The following STAU1 variants were observed in gnomAD, a reference collection of about 807,000 sequenced individuals.
STAU1 encodes double-stranded RNA-binding protein Staufen homolog 1.
STAU1 carries 13 observed loss-of-function variants against 62.9 expected under a neutral mutation model. The ratio of observed to expected loss-of-function variants is 0.21; its 90% CI spans 0.13 to 0.33. STAU1 has a LOEUF of 0.33. Ranked by LOEUF, STAU1 falls within the 10% of genes least tolerant of loss-of-function variation. STAU1 has a pLI of 1.00. For synonymous variants in STAU1, 269 were observed against 265.1 expected, an observed-to-expected ratio of 1.01 and a Z score of -0.14; for missense variants, 571 against 712.1, an observed-to-expected ratio of 0.80 and a Z score of 2.25.
At chr20:49,198,128 A>G in the STAU1 span, among the ~76,000 whole-genome samples, 26 of 152,256 alleles carry the variant, frequency 1.7e-4, no homozygotes, top group Non-Finnish European at 3.7e-4. Flanking sequence ...GCAAATGAGC[A>G]TATAAAAAGA....
intron 1 of STAU1, among the ~76,000 whole-genome samples, chr20:49,186,182 C>T (rs924643437): frequency 6.6e-6 from 1 of 151,982 alleles, no homozygotes; most frequent in African/African-American, 2.4e-5. Context: ...CCCGTCTCTA[C>T]GAAAACTACA....
rs1395407485 is a variant in STAU1, at chr20:49,123,075, C to T, written c.966+17G>A. 2 of 1,563,940 alleles carry T rather than the reference C, an allele frequency of 1.3e-6. No homozygotes were observed. The highest frequency in any genetic ancestry group is 1.2e-5 in the South Asian group (1 of 82,566). ...CGTGGTCAGAGGAAGGGGCGCCCAT[C>T]ATCCATGCGGACCCACCTGCATCAC... On this transcript the variant is annotated intron_variant, in intron 8 of 13. Transcript: ENST00000371856.
rs146314898 is a variant in STAU1, at chr20:49,143,186, T to A, written c.511-7255A>T. Among the ~76,000 whole-genome samples the A allele has an allele frequency of 1.2e-4, 18 of 152,298 alleles. No homozygotes were observed. The East Asian group carries it at 3.3e-3, about 28-fold the overall frequency. ...GTTCAAAACTAATCTACAAAAACCATTCCCAGTAAAATGAGGAAGGTTTAG... is the reference window on the plus strand; with the variant it reads ...GTTCAAAACTAATCTACAAAAACCAATCCCAGTAAAATGAGGAAGGTTTAG... On this transcript the variant is annotated intron_variant, in intron 5 of 13. Transcript: ENST00000371856.
chr20:49,197,842 A>G, the STAU1 span, among the ~76,000 whole-genome samples: 1 of 152,086 alleles, frequency 6.6e-6, no homozygotes, highest in South Asian at 2.1e-4. Context: ...AGTAGCTGGG[A>G]ATACAGGTGC....
chr20:49,208,874 G>A, the STAU1 span, among the ~76,000 whole-genome samples: 11 of 151,502 alleles, frequency 7.3e-5, no homozygotes, highest in African/African-American at 2.4e-4. Context: ...CGCCTGCCTC[G>A]GCCTCCCAAA....
Position 49,165,988 on chromosome 20 carries a change from T to C in STAU1, c.205+9A>G, listed in dbSNP as rs1395683896. 7.4e-6 allele frequency: 12 copies of C among 1,613,780 alleles called. No individual in the cohort carries two copies. The South Asian group carries it at 1.1e-4, about 15-fold the overall frequency. On this transcript the variant is annotated intron_variant, in intron 3 of 13. Coordinates refer to ENST00000371856, the MANE Select transcript of STAU1 (RefSeq NM_017453.4). ...TTGAAATAGAAGACACTTGGATTCA[T>C]ATGCTTACCTGCAGCTGCACTGGTG... is the stretch of plus-strand genomic sequence containing the variant.
At chr20:49,212,804 G>C in the STAU1 span, among the ~76,000 whole-genome samples, 2 of 151,230 alleles carry the variant, frequency 1.3e-5, no homozygotes, top group Non-Finnish European at 2.9e-5. Context: ...CTCCATGTTG[G>C]TCAGGCTGGT....
intron 5 of STAU1, among the ~76,000 whole-genome samples, chr20:49,139,792 T>C (rs2092967581): frequency 6.6e-6 from 1 of 151,420 alleles, no homozygotes; most frequent in African/African-American, 2.4e-5. Flanking sequence ...TCAAAAGAAA[T>C]GGAAATAACA....
intron 5 of STAU1, among the ~76,000 whole-genome samples, chr20:49,149,521 G>A (rs976597806): frequency 6.6e-6 from 1 of 152,164 alleles, no homozygotes; most frequent in Non-Finnish European, 1.5e-5. Flanking sequence ...TGGCTGGAAG[G>A]ACTAGAAATA....
intron 1 of STAU1, among the ~76,000 whole-genome samples, chr20:49,176,007 G>A (rs1459108998): frequency 6.6e-6 from 1 of 150,870 alleles, no homozygotes; most frequent in Non-Finnish European, 1.5e-5. Context: ...TGTTAGCCAG[G>A]ATGGTCTCGA....
At chr20:49,177,366 T>G (rs904087952) in intron 1 of STAU1, among the ~76,000 whole-genome samples, 1 of 152,032 alleles carries the variant, frequency 6.6e-6, no homozygotes, top group Non-Finnish European at 1.5e-5. Context: ...CAAGACCCTG[T>G]CTCTATTAAA....
the STAU1 span, among the ~76,000 whole-genome samples, chr20:49,206,234 T>A: frequency 6.6e-6 from 1 of 150,732 alleles, no homozygotes; most frequent in Non-Finnish European, 1.5e-5. Flanking sequence ...CCTCAAGTGA[T>A]CCACCCGCCT....
chr20:49,188,169 G>A lies in STAU1; in HGVS notation c.-213C>T, dbSNP rs1194173782. ...GCCGGCGGTCCTGGGCGGTGGCGGC[G>A]AGGAGGGGAAGGAAGAAGGAAAAAA... On this transcript the variant is annotated 5_prime_UTR_variant, in exon 1 of 14. Transcript: ENST00000371856. 2.0e-5 allele frequency: 3 copies of A among 151,688 alleles called. No homozygotes were observed. The highest frequency in any genetic ancestry group is 3.9e-4 in the East Asian group (2 of 5,136). 9.4% of individuals were successfully genotyped at this position (151,688 alleles called of 1,614,324 possible). A position where few individuals can be genotyped will look rare whatever the true frequency, so the allele number is the denominator to read the frequency against.
At chr20:49,147,077 C>T (rs914546141) in intron 5 of STAU1, among the ~76,000 whole-genome samples, 1 of 152,228 alleles carries the variant, frequency 6.6e-6, no homozygotes, top group African/African-American at 2.4e-5. Context: ...TCTGGGCATA[C>T]ACTGTCCCTG....
At chr20:49,119,505 A>G (rs2092413825) in intron 9 of STAU1, among the ~76,000 whole-genome samples, 1 of 152,228 alleles carries the variant, frequency 6.6e-6, no homozygotes, top group Admixed American at 6.5e-5. Flanking sequence ...TTTAACTCAC[A>G]TAGGAAAAAA....
At chr20:49,126,640 CA>C (rs74314096) in intron 6 of STAU1, among the ~76,000 whole-genome samples, 53,613 of 138,252 alleles carry the variant, frequency 0.39, 10,361 homozygotes, top group Middle Eastern at 0.53. Context: ...CCAAGACACT[CA>C]AAAAGAAAAA....
At chr20:49,131,061 A>G (rs983446660) in intron 6 of STAU1, among the ~76,000 whole-genome samples, 3 of 152,192 alleles carry the variant, frequency 2.0e-5, no homozygotes, top group Admixed American at 6.5e-5. Flanking sequence ...AGAAGGATCA[A>G]TATCACTCCC....
At chr20:49,115,529 G>C (rs994192796) in intron 13 of STAU1, among the ~76,000 whole-genome samples, 1 of 152,080 alleles carries the variant, frequency 6.6e-6, no homozygotes, top group Non-Finnish European at 1.5e-5. Flanking sequence ...TTAAACACCT[G>C]ACACCTCATG....
At chr20:49,181,581 A>G (rs1263472152) in intron 1 of STAU1, among the ~76,000 whole-genome samples, 1 of 151,944 alleles carries the variant, frequency 6.6e-6, no homozygotes, top group African/African-American at 2.4e-5. Flanking sequence ...CCTAGGCAAC[A>G]TGGCAAAACC....
Sources: gnomAD v4.1 joint callset for allele counts (sites outside exome capture counted in the v4.1 genomes callset) on GRCh38, gnomAD v4.1.1 for gene constraint, MANE v1.5 for transcripts, NCBI Gene and HGNC (gene_info 2026-07-23, HGNC 2026-07-21) for gene names.